Variants in ANAPC10 observed in about 807,000 individuals in gnomAD.
ANAPC10 encodes anaphase-promoting complex subunit 10.
In ANAPC10, 12 loss-of-function variants were observed where a neutral mutation model predicts 22.0. The observed-to-expected ratio is 0.55, with a 90% CI of 0.35 to 0.88. The LOEUF (loss-of-function observed/expected upper bound fraction) is 0.88. ANAPC10 is among the 40% of genes least tolerant of loss of function. The pLI is 0.01. For missense variants in ANAPC10, 188 were observed against 220.9 expected (o/e 0.85, Z 0.94); for synonymous variants, 65 against 69.5 (o/e 0.94, Z 0.32).
chr4:144,996,605 T>C (rs1374840372), intron 4 of ANAPC10, among the ~76,000 whole-genome samples: 1 of 152,008 alleles, frequency 6.6e-6, no homozygotes, highest in Non-Finnish European at 1.5e-5. Flanking sequence ...AGACCGAAGG[T>C]AGATAAAACC....
chr4:145,030,051 C>A (rs1737331362), intron 4 of ANAPC10, among the ~76,000 whole-genome samples: 1 of 152,180 alleles, frequency 6.6e-6, no homozygotes, highest in South Asian at 2.1e-4. Flanking sequence ...GGCATAGCTA[C>A]TGTAATGGAC....
chr4:145,077,945 C>A (rs1245637102), intron 3 of ANAPC10, among the ~76,000 whole-genome samples: 1 of 152,100 alleles, frequency 6.6e-6, no homozygotes. Flanking sequence ...AGGAAGCATT[C>A]CACTTAAGAA....
chr4:145,084,918 T>G (rs1465762672), intron 2 of ANAPC10, among the ~76,000 whole-genome samples: 2 of 152,226 alleles, frequency 1.3e-5, no homozygotes, highest in African/African-American at 2.4e-5. Flanking sequence ...CTTTTAAACG[T>G]AGCTACTATA....
intron 4 of ANAPC10, among the ~76,000 whole-genome samples, chr4:145,054,625 GTGTGTGTGTGTGT>G (rs1436200430): frequency 1.8e-4 from 23 of 130,576 alleles, no homozygotes; most frequent in African/African-American, 6.2e-4. Flanking sequence ...GTGTGTGTGT[GTGTGTGTGTGTGT>G]GTGCGCGCGC....
chr4:145,075,680 G>T (rs1031054880), intron 3 of ANAPC10, among the ~76,000 whole-genome samples: 19 of 152,180 alleles, frequency 1.2e-4, no homozygotes, highest in Non-Finnish European at 2.9e-5. Flanking sequence ...AAATAGGTGT[G>T]GAGTAGTCCA....
Position 145,084,058 on chromosome 4 carries a change from C to T in ANAPC10, c.116-2308G>A, listed in dbSNP as rs79482034. Among the ~76,000 whole-genome samples the T allele has an allele frequency of 1.2e-3, 177 of 152,066 alleles. 1 individual carries two copies. Among genetic ancestry groups the T allele is most frequent in the Non-Finnish European group, 2.1e-3 (143 of 68,000 alleles). The stretch of plus-strand genomic sequence containing the variant: ...CCATCAAAGCTCACTGCAGCCATGA[C>T]CTGCTGGGTTTATGCAATCCTCCCA... On this transcript the variant is annotated intron_variant, in intron 2 of 4. Transcript: ENST00000507656.
At chr4:145,039,800 TG>T (rs1008125067) in intron 4 of ANAPC10, among the ~76,000 whole-genome samples, 3 of 152,140 alleles carry the variant, frequency 2.0e-5, no homozygotes, top group African/African-American at 7.2e-5. Flanking sequence ...TTCACCATGT[TG>T]GCCAGGATGG....
intron 4 of ANAPC10, among the ~76,000 whole-genome samples, chr4:145,061,004 A>G (rs1742810100): frequency 6.6e-6 from 1 of 152,120 alleles, no homozygotes; most frequent in Non-Finnish European, 1.5e-5. Context: ...AACAATTTAA[A>G]GCAACATCCA....
chr4:145,032,401 G>A (rs1737741288), intron 4 of ANAPC10, among the ~76,000 whole-genome samples: 1 of 152,214 alleles, frequency 6.6e-6, no homozygotes, highest in Admixed American at 6.5e-5. Flanking sequence ...AATCATGATT[G>A]GAAAATTGGT....
chr4:145,050,912 T>C (rs190881938), intron 4 of ANAPC10, among the ~76,000 whole-genome samples: 1 of 152,382 alleles, frequency 6.6e-6, no homozygotes, highest in African/African-American at 2.4e-5. Context: ...TAAGGCTGTA[T>C]TGCTTTCTTA....
At chr4:145,043,935 A>G (rs1429536259) in intron 4 of ANAPC10, among the ~76,000 whole-genome samples, 1 of 152,058 alleles carries the variant, frequency 6.6e-6, no homozygotes, top group Non-Finnish European at 1.5e-5. Context: ...AAAAGCTGAT[A>G]TATTGCTTTG....
chr4:145,005,674 A>C (rs1733230623), intron 4 of ANAPC10, among the ~76,000 whole-genome samples: 1 of 152,086 alleles, frequency 6.6e-6, no homozygotes, highest in African/African-American at 2.4e-5. Context: ...TGTTTTCATT[A>C]GTTTCAAATA....
In ANAPC10 at chr4:144,994,958, A is replaced by G. The variant is rs1218529454; in HGVS notation, c.*415T>C. On this transcript the variant is annotated 3_prime_UTR_variant, in exon 5 of 5. Coordinates refer to ENST00000507656, the MANE Select transcript of ANAPC10 (RefSeq NM_001256706.2). ...AAATAGTAATTTTGACCTATTAAAGATGATATATATTGATAAAACACAGTC... is the reference window on the plus strand; with the variant it reads ...AAATAGTAATTTTGACCTATTAAAGGTGATATATATTGATAAAACACAGTC... 6.5e-6 allele frequency: 1 copy of G among 154,324 alleles called. No individual in the cohort carries two copies. The highest frequency in any genetic ancestry group is 2.4e-5 in the African/African-American group (1 of 41,482). 9.6% of individuals were successfully genotyped at this position (154,324 alleles called of 1,614,324 possible).
At chr4:145,097,084 C>T (rs1748655599) in intron 1 of ANAPC10, among the ~76,000 whole-genome samples, 1 of 152,104 alleles carries the variant, frequency 6.6e-6, no homozygotes, top group African/African-American at 2.4e-5. Context: ...GCGGCACACA[C>T]CTGTAGTCCC....
At chr4:145,055,789 A>G (rs777046379) in intron 4 of ANAPC10, among the ~76,000 whole-genome samples, 2 of 152,194 alleles carry the variant, frequency 1.3e-5, no homozygotes, top group Admixed American at 6.5e-5. Flanking sequence ...TTTAATGACT[A>G]TGATTTTTGG....
At chr4:145,020,061 G>C (rs1735754760) in intron 4 of ANAPC10, among the ~76,000 whole-genome samples, 1 of 152,074 alleles carries the variant, frequency 6.6e-6, no homozygotes, top group South Asian at 2.1e-4. Flanking sequence ...CAGAGAAAGA[G>C]GGAACCCTCC....
chr4:145,019,254 C>G (rs535917822), intron 4 of ANAPC10, among the ~76,000 whole-genome samples: 23 of 152,258 alleles, frequency 1.5e-4, no homozygotes, highest in Admixed American at 2.6e-4. Context: ...AGGACTCTCT[C>G]AGACCACAGT....
At chr4:145,047,297 A>G (rs1740447748) in intron 4 of ANAPC10, among the ~76,000 whole-genome samples, 1 of 152,120 alleles carries the variant, frequency 6.6e-6, no homozygotes, top group South Asian at 2.1e-4. Flanking sequence ...CCTACTCTGA[A>G]AACAATATTT....
intron 4 of ANAPC10, among the ~76,000 whole-genome samples, chr4:145,011,250 T>C (rs557816460): frequency 2.2e-4 from 34 of 151,752 alleles, no homozygotes; most frequent in South Asian, 6.3e-4. Flanking sequence ...GGCAGGAGAA[T>C]TGCTTGAACC....
Sources: gnomAD v4.1 joint callset for allele counts (sites outside exome capture counted in the v4.1 genomes callset) on GRCh38, gnomAD v4.1.1 for gene constraint, MANE v1.5 for transcripts, NCBI Gene and HGNC (gene_info 2026-07-23, HGNC 2026-07-21) for gene names.